Variants in MYO5B observed in about 807,000 individuals in gnomAD.
The protein encoded by MYO5B is unconventional myosin-Vb.
MYO5B carries 143 observed loss-of-function variants against 229.3 expected under a neutral mutation model. That is an observed-to-expected ratio of 0.62 (90% confidence interval 0.54 to 0.72). The LOEUF (loss-of-function observed/expected upper bound fraction) is 0.72, where lower values mean the gene tolerates loss of function less well. Ranked by LOEUF, MYO5B falls within the 30% of genes least tolerant of loss-of-function variation. The probability of loss-of-function intolerance (pLI) is 0.00; values close to 1 mark genes in which losing one functional copy is unlikely to be tolerated. For synonymous variants in MYO5B, 918 were observed against 885.2 expected (o/e 1.04, Z -0.66); for missense variants, 2,321 against 2,331.0 (o/e 1.00, Z 0.09).
intron 21 of MYO5B, among the ~76,000 whole-genome samples, chr18:49,898,282 T>G (rs1178050991): frequency 6.6e-6 from 1 of 152,250 alleles, no homozygotes; most frequent in East Asian, 1.9e-4. Flanking sequence ...ATTTACAAAG[T>G]GACTACTAAG....
chr18:50,191,126 G>T (rs1023486088), intron 1 of MYO5B, among the ~76,000 whole-genome samples: 6 of 152,342 alleles, frequency 3.9e-5, no homozygotes, highest in Admixed American at 3.3e-4. Flanking sequence ...AAGCCAGCTT[G>T]GCAAGTGGGG....
intron 10 of MYO5B, among the ~76,000 whole-genome samples, chr18:49,965,608 T>C (rs2025616209): frequency 6.6e-6 from 1 of 151,700 alleles, no homozygotes; most frequent in African/African-American, 2.4e-5. Flanking sequence ...CAGCCAAGAG[T>C]TAGGCCTTAT....
chr18:50,062,703 G>A (rs1231804776), intron 1 of MYO5B, among the ~76,000 whole-genome samples: 6 of 152,180 alleles, frequency 3.9e-5, no homozygotes, highest in East Asian at 3.9e-4. Flanking sequence ...CCCAGACACC[G>A]CATCCTGAAC....
At chr18:50,005,101 G>A (rs927524039) in intron 4 of MYO5B, among the ~76,000 whole-genome samples, 1 of 152,142 alleles carries the variant, frequency 6.6e-6, no homozygotes, top group Non-Finnish European at 1.5e-5. Context: ...ACTCCAGCCA[G>A]ATTAAATTGC....
At position 49,974,489 on chromosome 18, in the gene MYO5B, G is replaced by T. The variant is rs2025723560; in HGVS notation, c.1183C>A (p.Gln395Lys). ...SETYVKTMSLQQVINARNALA... is the reference protein window; with the variant it reads ...SETYVKTMSLKQVINARNALA... ...GCGTTGCGCGCATTGATCACCTGCT[G>T]CAGGGACATGGTCTTGACGTAGGTC... is the stretch of plus-strand genomic sequence containing the variant. The change falls in exon 10 of 40, where the codon CAG becomes AAG. Residue 395 changes from glutamine to lysine, a missense_variant. Gln to Lys is a moderately conservative substitution (Grantham distance 53). Transcript: ENST00000285039. 6.2e-7 allele frequency: 1 copy of T among 1,614,076 alleles called. No homozygotes were observed. Among genetic ancestry groups the T allele is most frequent in the Non-Finnish European group, 8.5e-7 (1 of 1,180,038 alleles).
chr18:49,953,395 T>C, intron 13 of MYO5B, 52 bp from the exon 14 acceptor site: 1 of 1,498,396 alleles, frequency 6.7e-7, no homozygotes, highest in Middle Eastern at 1.7e-4. Context: ...TTCAGCAGTT[T>C]CTCAACCACT....
intron 1 of MYO5B, among the ~76,000 whole-genome samples, chr18:50,192,589 G>C (rs866202524): frequency 1.3e-5 from 2 of 152,182 alleles, no homozygotes; most frequent in African/African-American, 4.8e-5. Context: ...AACTTCACCA[G>C]AAAGTCCTTT....
At chr18:50,129,962 C>T (rs555498860) in intron 1 of MYO5B, among the ~76,000 whole-genome samples, 2 of 152,190 alleles carry the variant, frequency 1.3e-5, no homozygotes, top group African/African-American at 4.8e-5. Flanking sequence ...TGACCACCGC[C>T]CCACCTCCTG....
chr18:50,169,997 G>A (rs1182199935), intron 1 of MYO5B, among the ~76,000 whole-genome samples: 2 of 127,424 alleles, frequency 1.6e-5, no homozygotes, highest in African/African-American at 5.9e-5. Flanking sequence ...TCGATGTCAT[G>A]GTAGTAGGGT....
intron 13 of MYO5B, 59 bp from the exon 14 acceptor site, chr18:49,953,402 C>G: frequency 2.8e-6 from 4 of 1,430,514 alleles, no homozygotes; most frequent in Non-Finnish European, 3.9e-6. Context: ...GTTTCTCAAC[C>G]ACTTTCATCT....
intron 16 of MYO5B, among the ~76,000 whole-genome samples, chr18:49,930,644 G>A (rs998436130): frequency 6.6e-6 from 1 of 152,170 alleles, no homozygotes; most frequent in Non-Finnish European, 1.5e-5. Context: ...TGTAATCCCA[G>A]TACTTTGGGA....
intron 2 of MYO5B, among the ~76,000 whole-genome samples, chr18:50,049,546 C>T (rs1195661380): frequency 1.3e-5 from 2 of 152,244 alleles, no homozygotes; most frequent in African/African-American, 2.4e-5. Flanking sequence ...GACCAGACCA[C>T]TTTCCTTATG....
chr18:50,071,018 C>T (rs1452084489), intron 1 of MYO5B, among the ~76,000 whole-genome samples: 3 of 152,122 alleles, frequency 2.0e-5, no homozygotes, highest in Admixed American at 1.3e-4. Flanking sequence ...GAGATGAAGT[C>T]CCGCTATGTT....
Position 50,001,281 on chromosome 18 carries a change from C to T in MYO5B, c.586G>A (p.Val196Met). 6.2e-7 allele frequency: 1 copy of T among 1,614,210 alleles called. No homozygotes were observed. Among genetic ancestry groups the T allele is most frequent in the Non-Finnish European group, 8.5e-7 (1 of 1,180,020 alleles). The change falls in exon 5 of 40, where the codon GTG becomes ATG. Residue 196 changes from valine (V) to methionine (M), a missense_variant. Val to Met is a conservative substitution (Grantham distance 21). This residue lies in a region of MYO5B where 2,113 missense variants were observed against 2,044.7 expected (regional missense o/e 1.03). Transcript: ENST00000285039. ...TCCATGATGGGACTGGATGCCAGCACCTTCTCTTCGATGTTGGTTTCACTG... is the reference window on the plus strand; with the variant it reads ...TCCATGATGGGACTGGATGCCAGCATCTTCTCTTCGATGTTGGTTTCACTG... ...SASETNIEEKVLASSPIMEAI... is the reference protein window; with the variant it reads ...SASETNIEEKMLASSPIMEAI...
At chr18:49,904,541 G>T in intron 20 of MYO5B, 131 bp downstream of exon 20, 2 of 1,103,296 alleles carry the variant, frequency 1.8e-6, no homozygotes, top group Non-Finnish European at 2.7e-6. Context: ...AGGATTTGGT[G>T]AGAGCAGAGA....
chr18:50,002,504 C>T (rs2026059039), intron 4 of MYO5B, among the ~76,000 whole-genome samples: 1 of 152,176 alleles, frequency 6.6e-6, no homozygotes, highest in Non-Finnish European at 1.5e-5. Flanking sequence ...GAGGGCCACG[C>T]TGGTGCCAAG....
At chr18:50,075,980 C>G (rs893854253) in intron 1 of MYO5B, among the ~76,000 whole-genome samples, 1 of 152,214 alleles carries the variant, frequency 6.6e-6, no homozygotes, top group Non-Finnish European at 1.5e-5. Flanking sequence ...GAAAGTCTGA[C>G]TGCAAACTGC....
intron 4 of MYO5B, among the ~76,000 whole-genome samples, chr18:50,034,179 C>T (rs936546718): frequency 1.3e-5 from 2 of 152,214 alleles, no homozygotes; most frequent in Non-Finnish European, 2.9e-5. Context: ...ACTGTGCTAG[C>T]CTATGGCTAC....
At chr18:49,874,732 C>T (rs1046901360) in intron 26 of MYO5B, among the ~76,000 whole-genome samples, 6 of 152,126 alleles carry the variant, frequency 3.9e-5, no homozygotes, top group Non-Finnish European at 7.4e-5. Context: ...TGAGAACATA[C>T]CAAAGGCCTT....
Sources: gnomAD v4.1 joint callset for allele counts (sites outside exome capture counted in the v4.1 genomes callset) on GRCh38, gnomAD v4.1.1 for gene constraint, gnomAD v4.1.1 regional missense constraint, MANE v1.5 for transcripts, NCBI Gene and HGNC (gene_info 2026-07-23, HGNC 2026-07-21) for gene names.